The following SHCBP1L variants were observed in gnomAD, a reference collection of about 807,000 sequenced individuals.
The protein encoded by SHCBP1L is testicular spindle-associated protein SHCBP1L.
SHCBP1L carries 67 observed loss-of-function variants against 62.5 expected under a neutral mutation model. The ratio of observed to expected loss-of-function variants is 1.07; its 90% CI spans 0.88 to 1.31. The LOEUF (loss-of-function observed/expected upper bound fraction) is 1.31, where lower values mean the gene tolerates loss of function less well. SHCBP1L is among the 40% of genes most tolerant of loss of function. The probability of loss-of-function intolerance (pLI) is 0.00; values close to 1 mark genes in which losing one functional copy is unlikely to be tolerated. For synonymous variants in SHCBP1L, 284 were observed against 289.4 expected (o/e 0.98, Z 0.19); for missense variants, 823 against 809.8 (o/e 1.02, Z -0.20).
intron 5 of SHCBP1L, among the ~76,000 whole-genome samples, chr1:182,933,780 A>G (rs768835397): frequency 2.6e-5 from 4 of 152,144 alleles, no homozygotes; most frequent in Non-Finnish European, 5.9e-5. Context: ...CATTAGTGAT[A>G]TTCGTGTAGG....
intron 3 of SHCBP1L, among the ~76,000 whole-genome samples, chr1:182,939,809 T>C (rs1193621075): frequency 6.6e-6 from 1 of 152,142 alleles, no homozygotes; most frequent in Non-Finnish European, 1.5e-5. Flanking sequence ...TGGCTATTAT[T>C]TGCTCAAAAA....
rs1651389673 is a variant in SHCBP1L at position 182,942,142 on chromosome 1, G to A, written c.556-1599C>T. ...CTTCTTTCTCTCCTGCTTCATCAGA[G>A]GCTGGACTCTCCTCAGTTTTCGTTT... On this transcript the variant is annotated intron_variant, in intron 2 of 9. Transcript: ENST00000367547. 3.3e-6 allele frequency: 3 copies of A among 922,598 alleles called. No individual in the cohort carries two copies. In the South Asian group the frequency reaches 3.9e-5, roughly 12 times the overall value. The allele number at this position is 922,598 out of a possible 1,614,324, so 57.2% of individuals were successfully genotyped here.
intron 2 of SHCBP1L, among the ~76,000 whole-genome samples, chr1:182,949,360 G>A (rs190546860): frequency 5.3e-5 from 8 of 151,632 alleles, no homozygotes; most frequent in East Asian, 3.9e-4. Context: ...GAAAGATCTC[G>A]GCAAAGCTAC....
rs578012064 is a variant in SHCBP1L, at chr1:182,924,193, A to G, written c.1182+5454T>C. On this transcript the variant is annotated intron_variant, in intron 6 of 9. Transcript: ENST00000367547. ...ATACAGCTAACGAGGGAAGTGAAAA[A>G]GCTCTACAACAAGAATTGCAAAACT... Among the ~76,000 whole-genome samples the G allele has an allele frequency of 3.3e-5, 5 of 152,350 alleles. No individual in the cohort carries two copies. The East Asian group carries it at 9.6e-4, about 29-fold the overall frequency.
chr1:182,907,843 T>A (rs1281431592), intron 6 of SHCBP1L, among the ~76,000 whole-genome samples: 1 of 152,190 alleles, frequency 6.6e-6, no homozygotes, highest in Non-Finnish European at 1.5e-5. Context: ...TCTCCCAAAG[T>A]GCTGGGATTA....
intron 6 of SHCBP1L, among the ~76,000 whole-genome samples, chr1:182,917,402 C>T (rs1041770812): frequency 1.2e-4 from 19 of 152,046 alleles, no homozygotes; most frequent in Non-Finnish European, 5.9e-5. Context: ...AAAAGCTATG[C>T]CCAGCTAATT....
At chr1:182,904,874 G>A (rs989181086) in intron 7 of SHCBP1L, among the ~76,000 whole-genome samples, 1 of 151,912 alleles carries the variant, frequency 6.6e-6, no homozygotes, top group African/African-American at 2.4e-5. Flanking sequence ...AGCCTCCCAA[G>A]TAACTGGGAC....
At chr1:182,902,726 A>T (rs1179882766) in intron 9 of SHCBP1L, among the ~76,000 whole-genome samples, 1 of 152,178 alleles carries the variant, frequency 6.6e-6, no homozygotes, top group Non-Finnish European at 1.5e-5. Flanking sequence ...AATTTGCTTT[A>T]CTTTGTAATT....
intron 5 of SHCBP1L, 124 bp downstream of exon 5, chr1:182,939,051 CT>C: frequency 1.4e-6 from 1 of 694,304 alleles, no homozygotes; most frequent in Non-Finnish European, 2.3e-6. Context: ...TTGTGCTTAC[CT>C]CATAAATTAG....
rs1461026007 is a variant in SHCBP1L at position 182,899,901 on chromosome 1, A to G, written c.*82T>C. ...TATTTTTTAATTAAGCTTTGAATTG[A>G]AACTACCATTTCAGTGGGGTATGAG... On this transcript the variant is annotated 3_prime_UTR_variant, in exon 10 of 10. Transcript: ENST00000367547. The G allele has an allele frequency of 1.7e-6, 2 of 1,179,492 alleles. No individual in the cohort carries two copies. The highest frequency in any genetic ancestry group is 3.1e-5 in the African/African-American group (2 of 64,496). 73.1% of individuals were successfully genotyped at this position (1,179,492 alleles called of 1,614,324 possible). A position where few individuals can be genotyped will look rare whatever the true frequency, so the allele number is the denominator to read the frequency against.
chr1:182,921,765 G>A (rs1437944336), intron 6 of SHCBP1L, among the ~76,000 whole-genome samples: 1 of 152,102 alleles, frequency 6.6e-6, no homozygotes, highest in African/African-American at 2.4e-5. Context: ...AATTAACCAG[G>A]CGCGGTGGCA....
In SHCBP1L at chr1:182,953,147, C is replaced by G. The variant is rs768785307; in HGVS notation, c.-14G>C. On this transcript the variant is annotated 5_prime_UTR_variant, in exon 1 of 10. Transcript: ENST00000367547. The stretch of plus-strand genomic sequence containing the variant: ...GCCCGACGCCATCTCCTCAGCAGCC[C>G]GAGGGCCGAGGCAGCCGTTGGCCAC... 4 of 1,575,016 alleles carry G rather than the reference C, an allele frequency of 2.5e-6. No individual in the cohort carries two copies. The highest frequency in any genetic ancestry group is 1.7e-5 in the Admixed American group (1 of 57,188).
At chr1:182,901,365 G>A (rs1483318361) in intron 9 of SHCBP1L, among the ~76,000 whole-genome samples, 4 of 152,298 alleles carry the variant, frequency 2.6e-5, no homozygotes, top group South Asian at 4.1e-4. Context: ...GCTGAGGCAG[G>A]AAAATCGCTT....
Position 182,907,758 on chromosome 1 carries a change from T to C in SHCBP1L, c.1183-2109A>G, listed in dbSNP as rs1241368341. On this transcript the variant is annotated intron_variant, in intron 6 of 9. Transcript: ENST00000367547. ...TGCACCCGGCTAATTTTTGTATTTTTAGTGGAGACGGGGTTTCACCATGTT... is the reference window on the plus strand; with the variant it reads ...TGCACCCGGCTAATTTTTGTATTTTCAGTGGAGACGGGGTTTCACCATGTT... Among the ~76,000 whole-genome samples, 4 of 151,928 alleles carry C rather than the reference T, an allele frequency of 2.6e-5. No homozygotes were observed. In the South Asian group the frequency reaches 6.2e-4, roughly 24 times the overall value.
chr1:182,930,549 G>A (rs6424874), intron 5 of SHCBP1L, among the ~76,000 whole-genome samples: 31 of 48,816 alleles, frequency 6.4e-4, no homozygotes, highest in African/African-American at 4.0e-3. Context: ...TTTAGTGTGT[G>A]TGTATATATA....
intron 1 of SHCBP1L, among the ~76,000 whole-genome samples, chr1:182,952,260 A>ATT (rs1447296555): frequency 7.9e-6 from 1 of 125,850 alleles, no homozygotes; most frequent in African/African-American, 3.0e-5. Context: ...ACACACACAC[A>ATT]TTTATATATA....
intron 6 of SHCBP1L, among the ~76,000 whole-genome samples, chr1:182,920,278 C>G (rs1056195948): frequency 6.6e-6 from 1 of 152,098 alleles, no homozygotes; most frequent in Non-Finnish European, 1.5e-5. Context: ...TGGTACCAGC[C>G]CCCCAGGGTT....
chr1:182,919,791 C>A (rs1231156473), intron 6 of SHCBP1L, among the ~76,000 whole-genome samples: 5 of 152,200 alleles, frequency 3.3e-5, no homozygotes, highest in African/African-American at 1.2e-4. Context: ...ACTATGGATC[C>A]ATGTTTCTTA....
At chr1:182,933,601 TC>T (rs1255710140) in intron 5 of SHCBP1L, among the ~76,000 whole-genome samples, 4 of 152,158 alleles carry the variant, frequency 2.6e-5, no homozygotes. Flanking sequence ...TGACTGTGTG[TC>T]TTGTTTTTTT....
Sources: allele counts gnomAD v4.1 joint callset (sites outside exome capture counted in the v4.1 genomes callset), GRCh38; gene constraint gnomAD v4.1.1; transcripts MANE v1.5; gene names NCBI Gene and HGNC (gene_info 2026-07-23, HGNC 2026-07-21).